ECPAS: variants seen among roughly 807,000 people sequenced by gnomAD.
ECPAS encodes the protein proteasome adapter and scaffold protein ECM29.
A neutral mutation model predicts 255.1 loss-of-function variants in ECPAS; 70 were observed. That is an observed-to-expected ratio of 0.27 (90% CI 0.23 to 0.33). The LOEUF (loss-of-function observed/expected upper bound fraction) is 0.33, where lower values mean the gene tolerates loss of function less well. Among genes scored for constraint, ECPAS ranks in the 10% least tolerant of loss-of-function variants. ECPAS has a pLI of 1.00. For missense variants in ECPAS, 1,817 were observed against 2,206.4 expected, an observed-to-expected ratio of 0.82 and a Z score of 3.54; for synonymous variants, 784 against 775.0, an observed-to-expected ratio of 1.01 and a Z score of -0.19.
At chr9:111,408,920 A>G (rs775254698) in intron 23 of ECPAS, among the ~76,000 whole-genome samples, 18 of 152,212 alleles carry the variant, frequency 1.2e-4, no homozygotes, top group Non-Finnish European at 1.8e-4. Context: ...AACTAGGCTT[A>G]TTACCTTTCA....
Position 111,370,465 on chromosome 9 carries a change from G to C in ECPAS, c.4944C>G (p.Phe1648Leu), listed in dbSNP as rs200909406. The C allele has an allele frequency of 5.3e-5, 85 of 1,605,100 alleles. No individual in the cohort carries two copies. The African/African-American group carries it at 1.1e-3, about 21-fold the overall frequency. The part of the protein sequence containing the change: ...KATKEDRFQE[F>L]SNIVIPLIKK... Reference sequence around the variant, plus strand: ...TGATGAGAGGTATGACAATGTTAGAGAACTCCTGGAATCTGTCCTCTTTGG... The same window carrying C: ...TGATGAGAGGTATGACAATGTTAGACAACTCCTGGAATCTGTCCTCTTTGG... The change falls in exon 45 of 50, where the codon TTC becomes TTG. Residue 1648 changes from phenylalanine (F) to leucine (L), a missense_variant. Physicochemically the swap from Phe to Leu is conservative, Grantham distance 22 (BLOSUM62 0). Transcript: ENST00000684092.
intron 2 of ECPAS, among the ~76,000 whole-genome samples, chr9:111,462,906 C>T (rs1564562734): frequency 6.6e-6 from 1 of 152,074 alleles, no homozygotes; most frequent in Non-Finnish European, 1.5e-5. Context: ...CCACACCTGG[C>T]TAATTTTGTA....
intron 2 of ECPAS, among the ~76,000 whole-genome samples, chr9:111,462,614 AT>A (rs1276231462): frequency 6.6e-6 from 1 of 152,200 alleles, no homozygotes; most frequent in East Asian, 1.9e-4. Context: ...AACAATGGCA[AT>A]AAAACTACAA....
At chr9:111,446,494 T>C (rs1323475576) in intron 3 of ECPAS, among the ~76,000 whole-genome samples, 22 of 152,230 alleles carry the variant, frequency 1.4e-4, no homozygotes, top group Admixed American at 1.4e-3. Context: ...GTAGAGATGT[T>C]TGACACCGAC....
intron 9 of ECPAS, among the ~76,000 whole-genome samples, chr9:111,428,999 T>C (rs56214752): frequency 0.057 from 8,608 of 152,306 alleles, 583 homozygotes; most frequent in African/African-American, 0.15. Flanking sequence ...CAGAAAAATC[T>C]ACTAAGTACT....
At chr9:111,431,324 G>T (rs972809528) in intron 8 of ECPAS, among the ~76,000 whole-genome samples, 4 of 152,150 alleles carry the variant, frequency 2.6e-5, no homozygotes, top group African/African-American at 7.2e-5. Flanking sequence ...TTGGGAGGCC[G>T]AGGCGGGTGG....
At chr9:111,377,839 G>A (rs2098135203) in intron 36 of ECPAS, among the ~76,000 whole-genome samples, 1 of 152,010 alleles carries the variant, frequency 6.6e-6, no homozygotes, top group Non-Finnish European at 1.5e-5. Flanking sequence ...TGTTTCATCT[G>A]AAGTTTTAAA....
chr9:111,409,951 T>C (rs911346923), intron 23 of ECPAS, 90 bp downstream of exon 23: 3 of 915,096 alleles, frequency 3.3e-6, no homozygotes, highest in South Asian at 3.6e-5. Flanking sequence ...CCAGCTGTAA[T>C]GCCATCTATT....
At chr9:111,450,322 G>A (rs182136677) in intron 3 of ECPAS, among the ~76,000 whole-genome samples, 14 of 152,268 alleles carry the variant, frequency 9.2e-5, no homozygotes, top group African/African-American at 3.1e-4. Context: ...TCAAATGCAC[G>A]TCTATCTCAG....
In ECPAS at chr9:111,397,182, T is replaced by C. The variant is rs200194987; in HGVS notation, c.2653-29A>G. 2,531 of 1,610,084 alleles carry C rather than the reference T, an allele frequency of 1.6e-3. 3 individuals are homozygous for C. Among genetic ancestry groups the C allele is most frequent in the Non-Finnish European group, 2.0e-3 (2,386 of 1,178,206 alleles). On this transcript the variant is annotated intron_variant, in intron 24 of 49. Transcript: ENST00000684092. ...CAACGAAGGAAGTAAAAACCATGAA[T>C]GAGAAAACACATTTCCCAAAAACAT... is the stretch of plus-strand genomic sequence containing the variant.
rs545733928 is a variant in ECPAS at position 111,404,642 on chromosome 9, T to A, written c.2652+3929A>T. Among the ~76,000 whole-genome samples the A allele has an allele frequency of 6.7e-5, 10 of 149,326 alleles. 1 individual carries two copies. In the South Asian group the frequency reaches 1.9e-3, roughly 28 times the overall value. On this transcript the variant is annotated intron_variant, in intron 24 of 49. Transcript: ENST00000684092. ...TCGCCTTCTGCCAAGATTGTAAGTT[T>A]CCTGAGGCCTTCCCAGCCATGCTTA...
At chr9:111,431,335 A>G (rs1389486710) in intron 8 of ECPAS, among the ~76,000 whole-genome samples, 9 of 152,176 alleles carry the variant, frequency 5.9e-5, no homozygotes, top group Non-Finnish European at 1.3e-4. Context: ...AGGCGGGTGG[A>G]TCACCTGAGG....
intron 25 of ECPAS, 114 bp downstream of exon 25, chr9:111,396,916 T>A: frequency 7.4e-7 from 1 of 1,349,730 alleles, no homozygotes; most frequent in Admixed American, 1.8e-5. Context: ...AAAACAGATA[T>A]AAATATTTGA....
chr9:111,416,855 G>T lies in ECPAS; in HGVS notation c.1684-503C>A, dbSNP rs183582128. On this transcript the variant is annotated intron_variant, in intron 17 of 49. Transcript: ENST00000684092. ...AAGTGGGACAGAGTCAAGGCCTGGA[G>T]GGGGTGGATGGTCATTACTGCCAAT... Among the ~76,000 whole-genome samples, 248 of 152,268 alleles carry T rather than the reference G, an allele frequency of 1.6e-3. 1 individual carries two copies. The highest frequency in any genetic ancestry group is 5.8e-3 in the African/African-American group (242 of 41,538).
rs574733731 is a variant in ECPAS, at chr9:111,393,296, G to C, written c.2977+384C>G. 1.9e-4 allele frequency among the ~76,000 whole-genome samples: 29 copies of C among 152,262 alleles called. No homozygotes were observed. In the East Asian group the frequency reaches 5.4e-3, roughly 28 times the overall value. Reference sequence around the variant, plus strand: ...AAAACAAGTTATAAAACAAAGCTTAGTACTGAAAGATTTAACACATATACG... The same window carrying C: ...AAAACAAGTTATAAAACAAAGCTTACTACTGAAAGATTTAACACATATACG... On this transcript the variant is annotated intron_variant, in intron 27 of 49. Transcript: ENST00000684092.
chr9:111,462,240 A>G (rs1314491509), intron 2 of ECPAS, among the ~76,000 whole-genome samples: 1 of 152,236 alleles, frequency 6.6e-6, no homozygotes, highest in African/African-American at 2.4e-5. Context: ...AAATATGATT[A>G]GCAGAATCTG....
chr9:111,441,497 T>C (rs1471205468), intron 5 of ECPAS, among the ~76,000 whole-genome samples: 1 of 151,920 alleles, frequency 6.6e-6, no homozygotes, highest in Non-Finnish European at 1.5e-5. Context: ...AGAGTGAGAC[T>C]CTGTCTCAAA....
chr9:111,465,887 A>C (rs1406719344), intron 2 of ECPAS, among the ~76,000 whole-genome samples: 1 of 151,864 alleles, frequency 6.6e-6, no homozygotes, highest in East Asian at 1.9e-4. Flanking sequence ...TTGAAAAATG[A>C]GCCAGGCATG....
chr9:111,458,197 G>A (rs2098269160), intron 2 of ECPAS, among the ~76,000 whole-genome samples: 1 of 152,164 alleles, frequency 6.6e-6, no homozygotes, highest in Non-Finnish European at 1.5e-5. Context: ...ATATTTTCAT[G>A]TCAGATACAT....
Sources: allele counts gnomAD v4.1 joint callset (sites outside exome capture counted in the v4.1 genomes callset), GRCh38; gene constraint gnomAD v4.1.1; transcripts MANE v1.5; gene names NCBI Gene and HGNC (gene_info 2026-07-23, HGNC 2026-07-21).